The following HHAT variants were observed in gnomAD, a reference collection of about 807,000 sequenced individuals.
HHAT encodes the protein protein-cysteine N-palmitoyltransferase HHAT.
A neutral mutation model predicts 70.8 loss-of-function variants in HHAT; 47 were observed. The observed-to-expected ratio is 0.66, with a 90% CI of 0.53 to 0.85. HHAT has a LOEUF of 0.85. Ranked by LOEUF, HHAT falls within the 40% of genes least tolerant of loss-of-function variation. HHAT has a pLI of 0.00. For synonymous variants in HHAT, 228 were observed against 247.6 expected, an observed-to-expected ratio of 0.92 and a Z score of 0.74; for missense variants, 609 against 604.8, an observed-to-expected ratio of 1.01 and a Z score of -0.07.
intron 8 of HHAT, among the ~76,000 whole-genome samples, chr1:210,473,859 C>T (rs1469628307): frequency 1.3e-5 from 2 of 152,198 alleles, no homozygotes; most frequent in Non-Finnish European, 2.9e-5. Flanking sequence ...GCTAGCTCTA[C>T]CTTATTTCTA....
intron 10 of HHAT, among the ~76,000 whole-genome samples, chr1:210,607,715 T>A (rs1218754161): frequency 6.6e-6 from 1 of 152,000 alleles, no homozygotes; most frequent in Admixed American, 6.5e-5. Flanking sequence ...GTGGAAAGAT[T>A]CCTAGGTTTT....
chr1:210,339,743 C>G (rs1020237976), intron 1 of HHAT, among the ~76,000 whole-genome samples: 1 of 152,196 alleles, frequency 6.6e-6, no homozygotes, highest in Non-Finnish European at 1.5e-5. Context: ...GGGACATGAA[C>G]AGAACTGTCC....
intron 9 of HHAT, among the ~76,000 whole-genome samples, chr1:210,538,899 A>G (rs1472644698): frequency 6.6e-6 from 1 of 152,188 alleles, no homozygotes; most frequent in East Asian, 1.9e-4. Context: ...CAACATGGTG[A>G]AACCCCGTCT....
At chr1:210,598,240 C>T (rs924991048) in intron 10 of HHAT, among the ~76,000 whole-genome samples, 31 of 151,850 alleles carry the variant, frequency 2.0e-4, no homozygotes, top group Admixed American at 1.6e-3. Flanking sequence ...CTCCTCTTCT[C>T]AAGCAGAAGT....
intron 9 of HHAT, among the ~76,000 whole-genome samples, chr1:210,537,391 AT>A (rs2095384658): frequency 6.6e-6 from 1 of 152,284 alleles, no homozygotes; most frequent in African/African-American, 2.4e-5. Flanking sequence ...TCATTGTTGC[AT>A]TCCGTCCCAG....
chr1:210,545,574 C>T (rs4845051), intron 9 of HHAT, among the ~76,000 whole-genome samples: 11,008 of 151,870 alleles, frequency 0.072, 724 homozygotes, highest in East Asian at 0.3. Flanking sequence ...GTAGCTAGGA[C>T]TACAGGTATG....
intron 9 of HHAT, among the ~76,000 whole-genome samples, chr1:210,549,805 G>A (rs1346277675): frequency 2.0e-5 from 3 of 148,726 alleles, no homozygotes; most frequent in Non-Finnish European, 4.4e-5. Flanking sequence ...GGCCAGCCTG[G>A]GCAACATAGC....
At chr1:210,384,592 T>A (rs1303499782) in intron 3 of HHAT, among the ~76,000 whole-genome samples, 1 of 152,192 alleles carries the variant, frequency 6.6e-6, no homozygotes, top group Non-Finnish European at 1.5e-5. Context: ...GGGTGACTTC[T>A]CCTTGGAGTA....
At chr1:210,335,084 G>T (rs1261518556) in intron 1 of HHAT, among the ~76,000 whole-genome samples, 3 of 151,988 alleles carry the variant, frequency 2.0e-5, no homozygotes, top group Non-Finnish European at 4.4e-5. Context: ...AAATTGATAA[G>T]GATATTACAA....
chr1:210,354,779 T>C (rs113121465), intron 2 of HHAT, among the ~76,000 whole-genome samples: 129 of 152,312 alleles, frequency 8.5e-4, no homozygotes, highest in African/African-American at 2.9e-3. Context: ...GAGTAAGTTA[T>C]TAGTTATTGG....
At chr1:210,570,435 TAC>T (rs1048550410) in intron 9 of HHAT, among the ~76,000 whole-genome samples, 12 of 152,138 alleles carry the variant, frequency 7.9e-5, no homozygotes, top group African/African-American at 2.7e-4. Context: ...CATGACAATG[TAC>T]AGTGTAGCCC....
intron 8 of HHAT, among the ~76,000 whole-genome samples, chr1:210,512,348 C>T (rs1209438704): frequency 1.3e-5 from 2 of 152,010 alleles, no homozygotes; most frequent in Non-Finnish European, 2.9e-5. Context: ...CCCTCACCTG[C>T]TTCCCTTTGG....
intron 11 of HHAT, among the ~76,000 whole-genome samples, chr1:210,644,914 C>A (rs149389512): frequency 1.1e-4 from 16 of 152,294 alleles, no homozygotes; most frequent in African/African-American, 3.8e-4. Context: ...CTGGTAAGGG[C>A]TCTCCTTGTA....
At chr1:210,459,174 T>G (rs891181740) in intron 7 of HHAT, among the ~76,000 whole-genome samples, 1 of 152,172 alleles carries the variant, frequency 6.6e-6, no homozygotes, top group Non-Finnish European at 1.5e-5. Context: ...CTTTCTCTCC[T>G]TTTTACCAAT....
At chr1:210,588,128 G>A (rs1161186525) in intron 10 of HHAT, 29 bp downstream of exon 10, 2 of 1,545,340 alleles carry the variant, frequency 1.3e-6, no homozygotes, top group African/African-American at 1.4e-5. Context: ...GCTGTGTTAG[G>A]GGACAGTGGA....
intron 7 of HHAT, among the ~76,000 whole-genome samples, chr1:210,429,682 CT>C (rs936881613): frequency 6.6e-6 from 1 of 151,742 alleles, no homozygotes; most frequent in African/African-American, 2.4e-5. Context: ...GTGGTCCCCC[CT>C]GTTTGCATTG....
At chr1:210,652,940 G>T (rs1256766947) in intron 11 of HHAT, among the ~76,000 whole-genome samples, 1 of 152,218 alleles carries the variant, frequency 6.6e-6, no homozygotes, top group Non-Finnish European at 1.5e-5. Context: ...TGACCCGGCA[G>T]TTCCACTTCT....
chr1:210,441,747 T>G (rs1188851509), intron 7 of HHAT, among the ~76,000 whole-genome samples: 1 of 152,174 alleles, frequency 6.6e-6, no homozygotes, highest in East Asian at 1.9e-4. Flanking sequence ...CAACAAATAA[T>G]CTGCTAGACA....
In HHAT at chr1:210,442,998, G is replaced by A. The variant is rs541380752; in HGVS notation, c.857-21507G>A. On this transcript the variant is annotated intron_variant, in intron 7 of 11. Transcript: ENST00000261458. ...TTATGGTTTTAGGTCTAACATTTAAGTCTTTAATCCATCTTGAATTGATTT... is the reference window on the plus strand; with the variant it reads ...TTATGGTTTTAGGTCTAACATTTAAATCTTTAATCCATCTTGAATTGATTT... Among the ~76,000 whole-genome samples, 229 of 152,276 alleles carry A rather than the reference G, an allele frequency of 1.5e-3. 4 individuals are homozygous for A. Among genetic ancestry groups the A allele is most frequent in the Non-Finnish European group, 6.8e-4 (46 of 68,032 alleles).
Sources: gnomAD v4.1 joint callset for allele counts (sites outside exome capture counted in the v4.1 genomes callset) on GRCh38, gnomAD v4.1.1 for gene constraint, MANE v1.5 for transcripts, NCBI Gene and HGNC (gene_info 2026-07-23, HGNC 2026-07-21) for gene names.